ANK2: variants seen among roughly 807,000 people sequenced by gnomAD.
ANK2 encodes the protein ankyrin-2.
A neutral mutation model predicts 360.5 loss-of-function variants in ANK2; 83 were observed. The observed-to-expected ratio is 0.23, with a 90% CI of 0.19 to 0.28. The LOEUF (loss-of-function observed/expected upper bound fraction) is 0.28, where lower values mean the gene tolerates loss of function less well. Among genes scored for constraint, ANK2 ranks in the 10% least tolerant of loss-of-function variants. The pLI, the probability that ANK2 is intolerant of heterozygous loss-of-function variation, is 1.00. For missense variants in ANK2, 4,201 were observed against 4,795.7 expected (o/e 0.88, Z 3.66); for synonymous variants, 1,740 against 1,759.5 (o/e 0.99, Z 0.28).
At chr4:113,372,581 G>A in intron 43 of ANK2, 2 of 1,536,024 alleles carry the variant, frequency 1.3e-6, no homozygotes, top group East Asian at 2.4e-5. Context: ...AGATGAGGAG[G>A]CGATGGTAAC....
chr4:113,142,126 A>G (rs1308867326), intron 1 of ANK2, among the ~76,000 whole-genome samples: 4 of 152,206 alleles, frequency 2.6e-5, no homozygotes, highest in Admixed American at 2.0e-4. Context: ...GGCAGAAAGC[A>G]TATTCCTTGT....
rs757771113 is a variant in ANK2, at chr4:113,360,825, C to T, written c.10684C>T (p.Pro3562Ser). 5 of 1,612,278 alleles carry T rather than the reference C, an allele frequency of 3.1e-6. No homozygotes were observed. In the South Asian group the frequency reaches 5.5e-5, roughly 18 times the overall value. Residue 3562 changes from proline to serine, a missense_variant and splice_region_variant, in exon 39 of 46, where the codon CCA (proline) becomes TCA (serine). Pro to Ser is a moderately conservative substitution (Grantham distance 74, BLOSUM62 -1). This residue lies in a region of ANK2 where 2,642 missense variants were observed against 2,714.5 expected (regional missense o/e 0.97). Transcript: ENST00000357077. ...DENGHDHAED[P>S]QDEQERIEER... ...ATTCTGTTTTTGACCTTCTCCAGAT[C>T]CACAGGATGAGCAGGAACGGATCGA...
At chr4:112,741,724 T>G in the ANK2 span, among the ~76,000 whole-genome samples, 82 of 152,220 alleles carry the variant, frequency 5.4e-4, no homozygotes, top group African/African-American at 2.0e-3. Context: ...TGGCTCATGC[T>G]TGTAATAGCT....
At chr4:112,732,989 C>T in the ANK2 span, among the ~76,000 whole-genome samples, 1 of 152,128 alleles carries the variant, frequency 6.6e-6, no homozygotes, top group South Asian at 2.1e-4. Flanking sequence ...GAGGCTGAGG[C>T]CAGTAAATCA....
the ANK2 span, among the ~76,000 whole-genome samples, chr4:112,792,690 C>T: frequency 3.2e-4 from 48 of 152,092 alleles, no homozygotes; most frequent in African/African-American, 1.1e-3. Context: ...CTAATTTCAT[C>T]TGATACAAGG....
Position 113,049,806 on chromosome 4 carries a change from C to T in ANK2, c.78C>T (p.Pro26=), listed in dbSNP as rs928291078. ...FNGSSQRRKR[P]KKSDSNASFL... is the part of the protein sequence containing the mutation. ...GCAGTAGTCAGAGGAGAAAAAGACCCAAGAAGGTAAATCGCCGGAATTAGG... is the reference window on the plus strand; with the variant it reads ...GCAGTAGTCAGAGGAGAAAAAGACCTAAGAAGGTAAATCGCCGGAATTAGG... Residue 26 remains proline (P), a synonymous_variant, in exon 1 of 46, where the codon CCC becomes CCT. Transcript: ENST00000357077. The T allele has an allele frequency of 4.3e-6, 7 of 1,613,496 alleles. No homozygotes were observed. The highest frequency in any genetic ancestry group is 5.1e-6 in the Non-Finnish European group (6 of 1,179,732).
At chr4:113,086,023 A>C (rs2084583376) in intron 1 of ANK2, among the ~76,000 whole-genome samples, 1 of 152,208 alleles carries the variant, frequency 6.6e-6, no homozygotes, top group African/African-American at 2.4e-5. Context: ...TTTACTGACA[A>C]ACTATAGAAA....
the ANK2 span, among the ~76,000 whole-genome samples, chr4:112,762,776 C>G: frequency 2.8e-3 from 421 of 152,340 alleles, 1 homozygote; most frequent in African/African-American, 9.5e-3. Flanking sequence ...TCCCAAAGTG[C>G]TGGGATTATG....
chr4:112,938,835 G>A (rs562732312), intron 2 of ANK2, among the ~76,000 whole-genome samples: 27 of 152,292 alleles, frequency 1.8e-4, no homozygotes, highest in African/African-American at 5.5e-4. Flanking sequence ...TCACTGAAAT[G>A]TTACCCTAGG....
chr4:112,777,911 C>T, the ANK2 span, among the ~76,000 whole-genome samples: 2 of 151,160 alleles, frequency 1.3e-5, no homozygotes, highest in Admixed American at 6.6e-5. Flanking sequence ...AGCCACCGCG[C>T]CCGGCTCATC....
At chr4:112,819,701 A>G (rs566688400) in intron 1 of ANK2, among the ~76,000 whole-genome samples, 1 of 152,342 alleles carries the variant, frequency 6.6e-6, no homozygotes, top group East Asian at 1.9e-4. Context: ...CCTGTATGTT[A>G]CAGGTACAAG....
chr4:112,923,543 A>C (rs774587935), intron 2 of ANK2, among the ~76,000 whole-genome samples: 1 of 152,102 alleles, frequency 6.6e-6, no homozygotes, highest in Non-Finnish European at 1.5e-5. Context: ...TATTTTTGAA[A>C]AGAAAGAAAG....
chr4:113,076,393 A>G (rs911349484), intron 1 of ANK2, among the ~76,000 whole-genome samples: 21 of 152,264 alleles, frequency 1.4e-4, no homozygotes, highest in African/African-American at 4.8e-4. Flanking sequence ...AAAGCTACGC[A>G]CCAGGCTAAT....
intron 2 of ANK2, among the ~76,000 whole-genome samples, chr4:113,010,575 T>G (rs1206205277): frequency 6.6e-6 from 1 of 152,004 alleles, no homozygotes; most frequent in Non-Finnish European, 1.5e-5. Flanking sequence ...TCATTAGATA[T>G]GCAAATAAAG....
chr4:113,041,086 T>C (rs1313570948), intron 2 of ANK2, among the ~76,000 whole-genome samples: 1 of 152,126 alleles, frequency 6.6e-6, no homozygotes, highest in East Asian at 1.9e-4. Context: ...ACTGCTGTTA[T>C]AGACTCTTAG....
At chr4:112,802,520 TG>T in the ANK2 span, among the ~76,000 whole-genome samples, 1 of 152,194 alleles carries the variant, frequency 6.6e-6, no homozygotes, top group South Asian at 2.1e-4. Flanking sequence ...ATAAAGTCCT[TG>T]ATGTATCTGT....
intron 1 of ANK2, among the ~76,000 whole-genome samples, chr4:113,115,646 T>G (rs1191954376): frequency 6.6e-6 from 1 of 152,196 alleles, no homozygotes; most frequent in Non-Finnish European, 1.5e-5. Context: ...ATATAAACTA[T>G]AACATGTACC....
At chr4:112,907,383 T>C (rs946030138) in intron 2 of ANK2, among the ~76,000 whole-genome samples, 2 of 152,212 alleles carry the variant, frequency 1.3e-5, no homozygotes, top group Non-Finnish European at 2.9e-5. Flanking sequence ...ATTTTTTTCT[T>C]TGTTAGCTGC....
intron 9 of ANK2, among the ~76,000 whole-genome samples, chr4:113,247,297 G>A (rs949882397): frequency 1.3e-5 from 2 of 151,932 alleles, no homozygotes; most frequent in Non-Finnish European, 1.5e-5. Flanking sequence ...ATTTTTTTGG[G>A]GCATTAACTT....
Sources: allele counts gnomAD v4.1 joint callset (sites outside exome capture counted in the v4.1 genomes callset), GRCh38; gene constraint gnomAD v4.1.1; regional missense constraint gnomAD v4.1.1; transcripts MANE v1.5; gene names NCBI Gene and HGNC (gene_info 2026-07-23, HGNC 2026-07-21).